RORA: variants seen among roughly 807,000 people sequenced by gnomAD.
RORA encodes the protein nuclear receptor ROR-alpha.
A neutral mutation model predicts 69.5 loss-of-function variants in RORA; 7 were observed. The ratio of observed to expected loss-of-function variants is 0.10; its 90% CI spans 0.06 to 0.19. The LOEUF is 0.19. Ranked by LOEUF, RORA falls within the 10% of genes least tolerant of loss-of-function variation. RORA has a pLI of 1.00. For missense variants in RORA, 457 were observed against 663.0 expected (o/e 0.69, Z 3.41); for synonymous variants, 261 against 240.8 (o/e 1.08, Z -0.78).
chr15:60,633,734 T>C (rs975930323), intron 2 of RORA, among the ~76,000 whole-genome samples: 10 of 152,174 alleles, frequency 6.6e-5, no homozygotes, highest in African/African-American at 2.4e-4. Context: ...GGGAAAACTA[T>C]GGTGTGAAAG....
At chr15:60,896,417 C>T (rs1052828530) in intron 1 of RORA, among the ~76,000 whole-genome samples, 2 of 152,204 alleles carry the variant, frequency 1.3e-5, no homozygotes, top group Non-Finnish European at 2.9e-5. Context: ...TTTCCATTTC[C>T]TCCATTAGAC....
At chr15:60,549,198 T>C (rs955437621) in intron 2 of RORA, among the ~76,000 whole-genome samples, 5 of 152,198 alleles carry the variant, frequency 3.3e-5, no homozygotes, top group East Asian at 1.9e-4. Context: ...GTTAATGATA[T>C]AACGTTAAAA....
intron 1 of RORA, among the ~76,000 whole-genome samples, chr15:60,805,704 G>A (rs2072650726): frequency 6.6e-6 from 1 of 152,180 alleles, no homozygotes; most frequent in Non-Finnish European, 1.5e-5. Flanking sequence ...AGCCCAGTAG[G>A]CTCCTCTCTC....
chr15:60,743,201 G>T (rs1309574053), intron 1 of RORA, among the ~76,000 whole-genome samples: 1 of 151,772 alleles, frequency 6.6e-6, no homozygotes, highest in Admixed American at 6.6e-5. Flanking sequence ...TTTTAGTAGA[G>T]ACAGCATTTT....
Position 60,723,693 on chromosome 15 carries a change from T to C in RORA, c.167-45007A>G, listed in dbSNP as rs1372942097. On this transcript the variant is annotated intron_variant, in intron 1 of 10. Transcript: ENST00000335670. ...CCAGGAGTACACACAACTCCATCCA[T>C]CCATCCTGCCATCCACACATCCATT... is the stretch of plus-strand genomic sequence containing the variant. Among the ~76,000 whole-genome samples the C allele has an allele frequency of 2.0e-5, 3 of 152,176 alleles. No homozygotes were observed. In the East Asian group the frequency reaches 5.8e-4, roughly 29 times the overall value.
intron 1 of RORA, among the ~76,000 whole-genome samples, chr15:60,957,853 T>C (rs1188612108): frequency 1.3e-5 from 2 of 152,234 alleles, no homozygotes; most frequent in African/African-American, 4.8e-5. Context: ...GGTCCCCAAA[T>C]ATAATCATAT....
intron 5 of RORA, among the ~76,000 whole-genome samples, chr15:60,510,076 C>T (rs544948543): frequency 2.6e-5 from 4 of 152,190 alleles, no homozygotes; most frequent in Admixed American, 6.5e-5. Context: ...GTAGAGAAAC[C>T]GTCTAAAGAA....
chr15:61,048,883 T>C (rs1032234446), intron 1 of RORA, among the ~76,000 whole-genome samples: 9 of 152,262 alleles, frequency 5.9e-5, no homozygotes, highest in Non-Finnish European at 1.3e-4. Context: ...ATCATCCTGA[T>C]GCAAAAAACA....
At chr15:60,988,261 A>G (rs1894269515) in intron 1 of RORA, among the ~76,000 whole-genome samples, 1 of 152,210 alleles carries the variant, frequency 6.6e-6, no homozygotes, top group African/African-American at 2.4e-5. Context: ...GTGACAGATT[A>G]CCTAATCCTA....
intron 2 of RORA, chr15:60,592,643 AGGCG>A: frequency 8.9e-7 from 1 of 1,119,244 alleles, no homozygotes; most frequent in African/African-American, 1.7e-5. Flanking sequence ...GGGAGGCGGG[AGGCG>A]GGAGGCGGGA....
chr15:60,903,625 A>G (rs1891451616), intron 1 of RORA, among the ~76,000 whole-genome samples: 1 of 152,224 alleles, frequency 6.6e-6, no homozygotes. Flanking sequence ...GTAGTATGCA[A>G]TGCAAAGTGG....
intron 1 of RORA, among the ~76,000 whole-genome samples, chr15:60,755,694 A>G (rs1331254857): frequency 2.0e-5 from 3 of 152,194 alleles, no homozygotes; most frequent in Non-Finnish European, 2.9e-5. Flanking sequence ...CCACAAACCC[A>G]ACACATAGAA....
chr15:61,001,340 C>A (rs2140380786), intron 1 of RORA, among the ~76,000 whole-genome samples: 1 of 152,340 alleles, frequency 6.6e-6, no homozygotes, highest in East Asian at 1.9e-4. Flanking sequence ...GAACTATCAA[C>A]CACAAAATAA....
chr15:60,631,715 T>G (rs539227630), intron 2 of RORA, among the ~76,000 whole-genome samples: 1 of 152,352 alleles, frequency 6.6e-6, no homozygotes, highest in Admixed American at 6.5e-5. Flanking sequence ...GCTGTCCGCA[T>G]GCCCAGTACG....
At chr15:60,577,834 A>C (rs2068071750) in intron 2 of RORA, among the ~76,000 whole-genome samples, 1 of 152,208 alleles carries the variant, frequency 6.6e-6, no homozygotes, top group South Asian at 2.1e-4. Flanking sequence ...AAAAGTTAGC[A>C]TGAAGAATAC....
intron 1 of RORA, among the ~76,000 whole-genome samples, chr15:61,123,074 A>T (rs1236840780): frequency 2.6e-5 from 4 of 152,172 alleles, no homozygotes; most frequent in African/African-American, 9.7e-5. Flanking sequence ...CCCAGAGCCC[A>T]TTAGAGAGCT....
chr15:60,896,068 G>T (rs926673234), intron 1 of RORA, among the ~76,000 whole-genome samples: 4 of 152,080 alleles, frequency 2.6e-5, no homozygotes, highest in Admixed American at 6.5e-5. Flanking sequence ...GTATTTCTGG[G>T]CAGTCTCTGG....
intron 2 of RORA, among the ~76,000 whole-genome samples, chr15:60,632,993 A>G (rs1038279624): frequency 6.6e-6 from 1 of 152,266 alleles, no homozygotes; most frequent in Non-Finnish European, 1.5e-5. Context: ...TTCAATTACC[A>G]TTAATTCATA....
intron 1 of RORA, among the ~76,000 whole-genome samples, chr15:61,224,426 G>T (rs1411846294): frequency 2.0e-5 from 3 of 152,220 alleles, no homozygotes; most frequent in Non-Finnish European, 4.4e-5. Flanking sequence ...TTCCACAGAA[G>T]TGTAAGCTAA....
Sources: allele counts gnomAD v4.1 joint callset (sites outside exome capture counted in the v4.1 genomes callset), GRCh38; gene constraint gnomAD v4.1.1; transcripts MANE v1.5; gene names NCBI Gene and HGNC (gene_info 2026-07-23, HGNC 2026-07-21).